The following PDE4D variants were observed in gnomAD, a reference collection of about 807,000 sequenced individuals.
PDE4D encodes 3',5'-cyclic-AMP phosphodiesterase 4D.
In PDE4D, 24 loss-of-function variants were observed where a neutral mutation model predicts 87.4. That is an observed-to-expected ratio of 0.27 (90% confidence interval 0.20 to 0.39). PDE4D has a LOEUF of 0.39. Ranked by LOEUF, PDE4D falls within the 10% of genes least tolerant of loss-of-function variation. The pLI is 1.00. For synonymous variants in PDE4D, 384 were observed against 383.2 expected (o/e 1.00, Z -0.02); for missense variants, 714 against 1,041.0 (o/e 0.69, Z 4.32).
intron 1 of PDE4D, among the ~76,000 whole-genome samples, chr5:60,368,436 G>T (rs746108226): frequency 6.6e-6 from 1 of 152,110 alleles, no homozygotes; most frequent in Non-Finnish European, 1.5e-5. Flanking sequence ...TGGGGGTTAG[G>T]GGGACCCTTT....
At chr5:59,230,952 T>A (rs1450488538) in intron 1 of PDE4D, among the ~76,000 whole-genome samples, 1 of 152,186 alleles carries the variant, frequency 6.6e-6, no homozygotes, top group Non-Finnish European at 1.5e-5. Flanking sequence ...AAACAATCAC[T>A]TGCCTCTTCA....
rs377021632 is a variant in PDE4D, at chr5:59,563,828, A to G, written c.455+329340T>C. 1.1e-4 allele frequency among the ~76,000 whole-genome samples: 16 copies of G among 152,350 alleles called. No homozygotes were observed. In the East Asian group the frequency reaches 1.7e-3, roughly 17 times the overall value. ...GTCTTACTCCTAAGAAGAGATGCAC[A>G]TTACATACATGAAAAGATACCAAAC... is the stretch of plus-strand genomic sequence containing the variant. On this transcript the variant is annotated intron_variant, in intron 1 of 14. Coordinates refer to ENST00000340635, the MANE Select transcript of PDE4D (RefSeq NM_001104631.2).
At chr5:59,490,642 C>A (rs17796824) in intron 1 of PDE4D, among the ~76,000 whole-genome samples, 27,283 of 152,190 alleles carry the variant, frequency 0.18, 3,220 homozygotes, top group Non-Finnish European at 0.26. Flanking sequence ...TTGTGCATCC[C>A]TTCAGACATC....
intron 1 of PDE4D, among the ~76,000 whole-genome samples, chr5:59,746,329 G>T (rs1402847545): frequency 6.6e-6 from 1 of 152,136 alleles, no homozygotes; most frequent in East Asian, 1.9e-4. Context: ...GACTTTACCA[G>T]ACAGGAATGT....
At chr5:59,305,694 T>C (rs1020222237) in intron 1 of PDE4D, among the ~76,000 whole-genome samples, 3 of 152,166 alleles carry the variant, frequency 2.0e-5, no homozygotes, top group South Asian at 4.1e-4. Flanking sequence ...TTAATTTCCA[T>C]GTATTTGCAT....
Position 59,267,341 on chromosome 5 carries a change from T to C in PDE4D, c.456-51373A>G, listed in dbSNP as rs143595736. 3.1e-3 allele frequency among the ~76,000 whole-genome samples: 465 copies of C among 152,218 alleles called. 2 individuals carry two copies. The highest frequency in any genetic ancestry group is 0.011 in the African/African-American group (445 of 41,574). ...ATGACATCCTGAATGTTAGGAATTA[T>C]TATTTTCTGTATTCCATATGAATGT... On this transcript the variant is annotated intron_variant, in intron 1 of 14. Transcript: ENST00000340635.
At chr5:59,414,932 C>T (rs1014502048) in intron 1 of PDE4D, among the ~76,000 whole-genome samples, 3 of 152,052 alleles carry the variant, frequency 2.0e-5, no homozygotes, top group Admixed American at 6.5e-5. Flanking sequence ...CTGGAAGTGA[C>T]GGGCAGTGAA....
At chr5:60,115,723 A>G (rs573514488) in intron 2 of PDE4D, among the ~76,000 whole-genome samples, 7 of 152,168 alleles carry the variant, frequency 4.6e-5, no homozygotes, top group Non-Finnish European at 1.0e-4. Flanking sequence ...CAGGCTGTTT[A>G]GTCACTTGAG....
In PDE4D at chr5:60,195,813, G is replaced by A. The variant is rs539467185; in HGVS notation, c.-89-10126C>T. On this transcript the variant is annotated intron_variant, in intron 1 of 16. Transcript: ENST00000502484. Reference sequence around the variant, plus strand: ...ACCTAATGGCTTCAAAGCCTGTTCCGAGTTATTCTGCTCTTGTGAACACTT... The same window carrying A: ...ACCTAATGGCTTCAAAGCCTGTTCCAAGTTATTCTGCTCTTGTGAACACTT... Among the ~76,000 whole-genome samples, 9 of 151,760 alleles carry A rather than the reference G, an allele frequency of 5.9e-5. No homozygotes were observed. The South Asian group carries it at 1.2e-3, about 21-fold the overall frequency.
At chr5:60,298,018 AT>A (rs1753562849) in intron 1 of PDE4D, among the ~76,000 whole-genome samples, 1 of 152,190 alleles carries the variant, frequency 6.6e-6, no homozygotes, top group African/African-American at 2.4e-5. Flanking sequence ...CAATTATCAA[AT>A]TCTTTTTGTA....
intron 2 of PDE4D, among the ~76,000 whole-genome samples, chr5:60,176,979 A>C (rs1783966329): frequency 6.6e-6 from 1 of 152,176 alleles, no homozygotes; most frequent in Admixed American, 6.6e-5. Flanking sequence ...GCAAAGCAAC[A>C]GGGGGTAGGT....
chr5:59,515,087 A>T (rs1344376850), intron 1 of PDE4D, among the ~76,000 whole-genome samples: 7 of 152,192 alleles, frequency 4.6e-5, no homozygotes, highest in Non-Finnish European at 1.0e-4. Context: ...ATTAAAGGGG[A>T]AAAACCACAG....
chr5:59,314,955 T>C (rs1773411514), intron 1 of PDE4D, among the ~76,000 whole-genome samples: 1 of 152,094 alleles, frequency 6.6e-6, no homozygotes, highest in South Asian at 2.1e-4. Flanking sequence ...GCCTGTGCAC[T>C]GCGACGATGG....
rs10586960 is a variant in PDE4D at position 59,536,504 on chromosome 5, CAAAAAAAAAAAAAAA to C, written c.456-320551_456-320537del. ...TGGGCAACAGAGCAAGACTCAGCCTCAAAAAAAAAAAAAAAAAAAAAAAAAAAAAAAATTACCTTT... is the reference window on the plus strand; with the variant it reads ...TGGGCAACAGAGCAAGACTCAGCCTCAAAAAAAAAAAAAAAAATTACCTTT... On this transcript the variant is annotated intron_variant, in intron 1 of 14. Transcript: ENST00000340635. 9.7e-3 allele frequency among the ~76,000 whole-genome samples: 548 copies of C among 56,418 alleles called. 12 individuals are homozygous for C. Among genetic ancestry groups the C allele is most frequent in the African/African-American group, 0.049 (522 of 10,744 alleles). The allele number at this position is 56,418 out of a possible 152,430, so 37.0% of individuals were successfully genotyped here.
At position 58,970,604 on chromosome 5, in the gene PDE4D, A is replaced by G. The variant is rs924955288; in HGVS notation, c.*4060T>C. On this transcript the variant is annotated 3_prime_UTR_variant, in exon 15 of 15. Coordinates refer to ENST00000340635, the MANE Select transcript of PDE4D (RefSeq NM_001104631.2). ...TAGAGGATAGTGAATGCTTTCTGCT[A>G]TGTAAACTGACATCAACCCACCTTT... is the stretch of plus-strand genomic sequence containing the variant. The G allele has an allele frequency of 1.3e-5, 2 of 152,228 alleles. No individual in the cohort carries two copies. The highest frequency in any genetic ancestry group is 2.9e-5 in the Non-Finnish European group (2 of 68,044). The allele number at this position is 152,228 out of a possible 1,614,324, so 9.4% of individuals were successfully genotyped here.
intron 1 of PDE4D, among the ~76,000 whole-genome samples, chr5:59,509,924 A>G (rs1242214446): frequency 6.8e-6 from 1 of 147,494 alleles, no homozygotes; most frequent in Non-Finnish European, 1.5e-5. Context: ...ATATATAATT[A>G]TACTTTTGAA....
At chr5:60,510,518 A>C (rs1015311659) in intron 1 of PDE4D, among the ~76,000 whole-genome samples, 5 of 152,196 alleles carry the variant, frequency 3.3e-5, no homozygotes, top group Non-Finnish European at 5.9e-5. Context: ...ATGGCTAAAA[A>C]AACATGTCTA....
At chr5:60,190,852 G>A (rs1429453126) in intron 1 of PDE4D, among the ~76,000 whole-genome samples, 4 of 152,190 alleles carry the variant, frequency 2.6e-5, no homozygotes, top group Non-Finnish European at 4.4e-5. Flanking sequence ...TGTAGCTTAT[G>A]CTCAGTAGGA....
intron 1 of PDE4D, among the ~76,000 whole-genome samples, chr5:59,758,096 A>T (rs1282540113): frequency 6.6e-6 from 1 of 152,160 alleles, no homozygotes. Flanking sequence ...AGCCCAAAGG[A>T]AGGTAATGCT....
Sources: allele counts gnomAD v4.1 joint callset (sites outside exome capture counted in the v4.1 genomes callset), GRCh38; gene constraint gnomAD v4.1.1; transcripts MANE v1.5; gene names NCBI Gene and HGNC (gene_info 2026-07-23, HGNC 2026-07-21).